NDUFAF7: variants seen among roughly 807,000 people sequenced by gnomAD.
NDUFAF7 encodes the protein protein arginine methyltransferase NDUFAF7, mitochondrial.
A neutral mutation model predicts 47.2 loss-of-function variants in NDUFAF7; 48 were observed. The ratio of observed to expected loss-of-function variants is 1.02; its 90% confidence interval spans 0.81 to 1.29. The LOEUF (loss-of-function observed/expected upper bound fraction) is 1.29, where lower values mean the gene tolerates loss of function less well. Among genes scored for constraint, NDUFAF7 ranks in the 50% most tolerant of loss-of-function variants. NDUFAF7 has a pLI of 0.00. For missense variants in NDUFAF7, 635 were observed against 537.6 expected, an observed-to-expected ratio of 1.18 and a Z score of -1.79; for synonymous variants, 217 against 190.0, an observed-to-expected ratio of 1.14 and a Z score of -1.17.
chr2:37,235,715 C>T (rs1665682859), intron 2 of NDUFAF7, among the ~76,000 whole-genome samples: 1 of 151,790 alleles, frequency 6.6e-6, no homozygotes, highest in South Asian at 2.1e-4. Flanking sequence ...AGTGCAGTGG[C>T]GCGATCTCGG....
chr2:37,238,896 C>T (rs1187382092), intron 4 of NDUFAF7, among the ~76,000 whole-genome samples: 5 of 112,998 alleles, frequency 4.4e-5, no homozygotes, highest in African/African-American at 9.9e-5. Context: ...ATACAAACGG[C>T]TAAAAAAGCA....
At chr2:37,269,429 T>G in the NDUFAF7 span, 1 of 580,488 alleles carries the variant, frequency 1.7e-6, no homozygotes, top group Non-Finnish European at 3.1e-6. Flanking sequence ...TTTTAAAGTT[T>G]GCAATGACAT....
At chr2:37,269,764 A>G in the NDUFAF7 span, 1 of 963,690 alleles carries the variant, frequency 1.0e-6, no homozygotes, top group Admixed American at 2.3e-5. Context: ...TCTTCATCCA[A>G]ATACTTCAAT....
downstream of NDUFAF7, among the ~76,000 whole-genome samples, chr2:37,250,163 C>T (rs73927424): frequency 0.053 from 7,992 of 151,792 alleles, 707 homozygotes; most frequent in East Asian, 0.33. Context: ...TAAAGGAAGA[C>T]GGAGGCCTTG....
At chr2:37,233,411 C>T (rs1209959379) in intron 2 of NDUFAF7, among the ~76,000 whole-genome samples, 2 of 152,156 alleles carry the variant, frequency 1.3e-5, no homozygotes, top group African/African-American at 4.8e-5. Flanking sequence ...GGGTGGATCA[C>T]GAGGTCAGGA....
the NDUFAF7 span, among the ~76,000 whole-genome samples, chr2:37,261,741 T>C: frequency 3.3e-5 from 5 of 152,172 alleles, no homozygotes; most frequent in South Asian, 2.1e-4. Flanking sequence ...GATTGCGCCA[T>C]TGCACTCTAG....
chr2:37,241,113 G>C (rs1666290309), intron 4 of NDUFAF7, among the ~76,000 whole-genome samples: 1 of 151,870 alleles, frequency 6.6e-6, no homozygotes, highest in African/African-American at 2.4e-5. Context: ...GCTAAATATA[G>C]ATTGAAAATG....
At chr2:37,264,745 GGA>G in the NDUFAF7 span, among the ~76,000 whole-genome samples, 2 of 151,292 alleles carry the variant, frequency 1.3e-5, no homozygotes, top group Admixed American at 6.6e-5. Flanking sequence ...TTTTTGGGGG[GGA>G]AAAAAAAAGA....
intron 2 of NDUFAF7, among the ~76,000 whole-genome samples, chr2:37,232,481 A>G (rs866908058): frequency 2.0e-5 from 3 of 152,360 alleles, no homozygotes; most frequent in South Asian, 4.1e-4. Flanking sequence ...ACACGGTCCA[A>G]GGGTGTTTAG....
chr2:37,252,851 A>G (rs796675731), downstream of NDUFAF7: 1 of 145,000 alleles, frequency 6.9e-6, no homozygotes, highest in African/African-American at 2.5e-5. Context: ...TTATATTTAT[A>G]TATATATATA....
chr2:37,239,182 G>A (rs1572544782), intron 4 of NDUFAF7, among the ~76,000 whole-genome samples: 2 of 147,602 alleles, frequency 1.4e-5, no homozygotes, highest in South Asian at 2.1e-4. Flanking sequence ...GCAGTGGTAC[G>A]ATCTTGGCTC....
intron 1 of NDUFAF7, 158 bp downstream of exon 1, chr2:37,231,918 AGGGC>A (rs1665181386): frequency 1.3e-6 from 2 of 1,590,634 alleles, no homozygotes; most frequent in African/African-American, 2.7e-5. Context: ...CAAACGCAAT[AGGGC>A]TGCGTAGTCG....
downstream of NDUFAF7, among the ~76,000 whole-genome samples, chr2:37,257,093 A>G (rs1012228089): frequency 1.1e-4 from 16 of 152,330 alleles, no homozygotes; most frequent in African/African-American, 3.8e-4. Context: ...TTTTCTCAAA[A>G]GGCAGACACA....
In NDUFAF7 at chr2:37,248,346, A is replaced by C; in HGVS notation, c.1322A>C (p.Gln441Pro). The change falls in exon 10 of 10, where the codon CAG (glutamine) becomes CCG (proline). Residue 441 changes from glutamine to proline, a missense_variant. Transcript: ENST00000002125. ...GCTGGGTTTAGTGAACTTGCTTGGC[A>C]GTGATATTTCAGCTTGGACATTTTA... is the stretch of plus-strand genomic sequence containing the variant. ...VVAGFSELAW[Q>P] 1 of 1,613,488 alleles carries C rather than the reference A, an allele frequency of 6.2e-7. No homozygotes were observed.
the NDUFAF7 span, among the ~76,000 whole-genome samples, chr2:37,260,645 T>A: frequency 6.6e-6 from 1 of 152,192 alleles, no homozygotes; most frequent in Admixed American, 6.5e-5. Flanking sequence ...TACTACTACT[T>A]TTCCTTCCTT....
chr2:37,255,797 A>T (rs944607464), downstream of NDUFAF7, among the ~76,000 whole-genome samples: 1 of 152,160 alleles, frequency 6.6e-6, no homozygotes, highest in African/African-American at 2.4e-5. Flanking sequence ...ATTGAGTGCA[A>T]GAGTTTGACA....
the NDUFAF7 span, among the ~76,000 whole-genome samples, chr2:37,261,875 C>A: frequency 6.6e-6 from 1 of 152,212 alleles, no homozygotes; most frequent in Non-Finnish European, 1.5e-5. Context: ...TGCATTCATT[C>A]AGTAAAAAAC....
downstream of NDUFAF7, among the ~76,000 whole-genome samples, chr2:37,249,558 GACACACACACACACACACACAC>G (rs56374800): frequency 4.7e-5 from 6 of 128,422 alleles, no homozygotes; most frequent in African/African-American, 3.3e-5. Flanking sequence ...GCCTGTGATA[GACACACACACACACACACACAC>G]ACACACACAC....
At chr2:37,251,656 A>AGTT (rs1667507029), downstream of NDUFAF7, 1 of 151,788 alleles carries the variant, frequency 6.6e-6, no homozygotes, top group South Asian at 2.1e-4. Context: ...GGGCAACGAT[A>AGTT]GTTAACACTT....
Sources: gnomAD v4.1 joint callset for allele counts (sites outside exome capture counted in the v4.1 genomes callset) on GRCh38, gnomAD v4.1.1 for gene constraint, MANE v1.5 for transcripts, NCBI Gene and HGNC (gene_info 2026-07-23, HGNC 2026-07-21) for gene names.